The following AMZ1 variants were observed in gnomAD, a reference collection of about 807,000 sequenced individuals.
AMZ1 encodes archaemetzincin-1.
A neutral mutation model predicts 29.9 loss-of-function variants in AMZ1; 39 were observed. The observed-to-expected ratio is 1.30, with a 90% CI of 1.01 to 1.70. The LOEUF (loss-of-function observed/expected upper bound fraction) is 1.70. Ranked by LOEUF, AMZ1 falls within the 40% of genes most tolerant of loss-of-function variation. The pLI, the probability that AMZ1 is intolerant of heterozygous loss-of-function variation, is 0.00. For missense variants in AMZ1, 1,041 were observed against 680.6 expected, an observed-to-expected ratio of 1.53 and a Z score of -5.89; for synonymous variants, 458 against 304.0, an observed-to-expected ratio of 1.51 and a Z score of -5.27.
chr7:2,707,581 C>G (rs937114649), intron 3 of AMZ1, among the ~76,000 whole-genome samples: 1 of 152,102 alleles, frequency 6.6e-6, no homozygotes, highest in Non-Finnish European at 1.5e-5. Context: ...AGTTACACAA[C>G]TTGCTAGCTT....
At chr7:2,724,967 C>T (rs1030807582) in intron 4 of AMZ1, among the ~76,000 whole-genome samples, 1 of 145,714 alleles carries the variant, frequency 6.9e-6, no homozygotes, top group Non-Finnish European at 1.5e-5. Context: ...CTTTTCTGCG[C>T]AGAAGCACTG....
chr7:2,712,315 G>A lies in AMZ1; in HGVS notation c.949-15G>A, dbSNP rs141008034. ...CTGGCACGGAGCAAACTCAGCCTGT[G>A]TTTCTCCCTCTTAGAGACTCTACAC... On this transcript the variant is annotated splice_polypyrimidine_tract_variant and intron_variant, in intron 6 of 6. Coordinates refer to ENST00000683327, the MANE Select transcript of AMZ1 (RefSeq NM_001384743.1). 1,304 of 1,542,434 alleles carry A rather than the reference G, an allele frequency of 8.5e-4. 11 individuals carry two copies. In the African/African-American group the frequency reaches 0.016, roughly 19 times the overall value.
upstream of AMZ1, among the ~76,000 whole-genome samples, chr7:2,759,998 A>C: frequency 6.6e-6 from 1 of 152,264 alleles, no homozygotes; most frequent in African/African-American, 2.4e-5. Flanking sequence ...AAATGCATAA[A>C]AATGACAGGA....
chr7:2,712,556 A>G lies in AMZ1; in HGVS notation c.1175A>G (p.Glu392Gly). The change falls in exon 7 of 7, where the codon GAG becomes GGG. Residue 392 changes from glutamate to glycine, a missense_variant. Glu to Gly is a moderately conservative substitution (Grantham distance 98). Coordinates refer to ENST00000683327, the MANE Select transcript of AMZ1 (RefSeq NM_001384743.1). ...GGGCTGAGCTACCTGGCAGCCTCAG[A>G]GGCTCCGCTGCCACCTGGGGGCCCT... ...EEGLSYLAASEAPLPPGGPAE... is the reference protein window; with the variant it reads ...EEGLSYLAASGAPLPPGGPAE... 1 of 1,610,168 alleles carries G rather than the reference A, an allele frequency of 6.2e-7. No homozygotes were observed. Among genetic ancestry groups the G allele is most frequent in the Non-Finnish European group, 8.5e-7 (1 of 1,178,442 alleles).
rs1414656247 is a variant in AMZ1, at chr7:2,716,452, A to G, written c.*3574A>G. 6.6e-6 allele frequency: 1 copy of G among 152,174 alleles called. No individual in the cohort carries two copies. Among genetic ancestry groups the G allele is most frequent in the African/African-American group, 2.4e-5 (1 of 41,420 alleles). The allele number at this position is 152,174 out of a possible 1,614,324, so 9.4% of individuals were successfully genotyped here. ...CATGGGTGAGGAGGGAGGGATGCCG[A>G]CCTGTTAATATTTGCTTCAGACCTT... On this transcript the variant is annotated 3_prime_UTR_variant, in exon 7 of 7. Transcript: ENST00000683327.
intron 2 of AMZ1, 131 bp from the exon 3 acceptor site, chr7:2,702,591 C>T (rs1788113156): frequency 9.5e-7 from 1 of 1,048,156 alleles, no homozygotes; most frequent in South Asian, 1.7e-5. Flanking sequence ...GCCTGACGCT[C>T]TGCTTGCTGT....
intron 4 of AMZ1, among the ~76,000 whole-genome samples, chr7:2,727,080 C>T (rs1023230643): frequency 6.6e-6 from 1 of 152,130 alleles, no homozygotes; most frequent in African/African-American, 2.4e-5. Context: ...TGGAACACAA[C>T]TTTATTTATT....
chr7:2,697,616 G>A (rs554800440), intron 1 of AMZ1, among the ~76,000 whole-genome samples: 1 of 152,020 alleles, frequency 6.6e-6, no homozygotes, highest in Admixed American at 6.6e-5. Context: ...GTAGAGATGA[G>A]ATTTTGCCAT....
At chr7:2,746,138 A>G (rs1257414947) in intron 4 of AMZ1, among the ~76,000 whole-genome samples, 9 of 152,228 alleles carry the variant, frequency 5.9e-5, no homozygotes, top group Non-Finnish European at 1.0e-4. Flanking sequence ...AAGGATACCC[A>G]GGAATTGAAT....
chr7:2,716,826 G>A lies in AMZ1; in HGVS notation c.*3948G>A, dbSNP rs1310825923. Among the ~76,000 whole-genome samples the A allele has an allele frequency of 6.6e-6, 1 of 152,214 alleles. No individual in the cohort carries two copies. The highest frequency in any genetic ancestry group is 2.1e-4 in the South Asian group (1 of 4,834). ...TCATCATCGAGTCTCGAAATGACCT[G>A]TAAGGCAGATGGCTGCATCCCCACC... On this transcript the variant is annotated 3_prime_UTR_variant, in exon 7 of 7. Coordinates refer to ENST00000683327, the MANE Select transcript of AMZ1 (RefSeq NM_001384743.1).
At position 2,702,911 on chromosome 7, in the gene AMZ1, C is replaced by T. The variant is rs751806298; in HGVS notation, c.472+22C>T. On this transcript the variant is annotated intron_variant, in intron 3 of 6. Transcript: ENST00000683327. ...ACAGGTGAGTGAGGACGGCAGCCGC[C>T]GCTCAGGCCAAGGCAGGCCCCTTCT... 1.4e-4 allele frequency: 217 copies of T among 1,571,454 alleles called. 2 individuals are homozygous for T. Among genetic ancestry groups the T allele is most frequent in the Admixed American group, 1.4e-4 (8 of 56,452 alleles).
intron 1 of AMZ1, among the ~76,000 whole-genome samples, chr7:2,692,614 T>C (rs1787468228): frequency 6.6e-6 from 1 of 152,030 alleles, no homozygotes; most frequent in Admixed American, 6.6e-5. Flanking sequence ...CATTCCAGCT[T>C]CAGGGGTTTC....
intron 4 of AMZ1, chr7:2,730,016 A>G (rs1260166425): frequency 6.6e-6 from 1 of 152,328 alleles, no homozygotes; most frequent in Non-Finnish European, 1.5e-5. Context: ...CCTCGATGAG[A>G]ATCAGACTTA....
chr7:2,751,158 C>T (rs1490931998), intron 4 of AMZ1, among the ~76,000 whole-genome samples: 1 of 152,066 alleles, frequency 6.6e-6, no homozygotes, highest in Non-Finnish European at 1.5e-5. Flanking sequence ...GAGGCTGAGG[C>T]AGGTGGACTG....
In AMZ1 at chr7:2,718,122, A is replaced by G. The variant is rs897995747; in HGVS notation, c.*5244A>G. Among the ~76,000 whole-genome samples, 2 of 152,030 alleles carry G rather than the reference A, an allele frequency of 1.3e-5. No homozygotes were observed. The highest frequency in any genetic ancestry group is 2.1e-4 in the South Asian group (1 of 4,814). ...GAGACGACACCTACCAGATTCCACC[A>G]CTGAGGCCTCCCTCGATGCCTGCTC... On this transcript the variant is annotated 3_prime_UTR_variant, in exon 7 of 7. Coordinates refer to ENST00000683327, the MANE Select transcript of AMZ1 (RefSeq NM_001384743.1).
At chr7:2,698,207 T>C (rs558834331) in intron 1 of AMZ1, among the ~76,000 whole-genome samples, 11 of 151,912 alleles carry the variant, frequency 7.2e-5, no homozygotes, top group Non-Finnish European at 1.3e-4. Flanking sequence ...GGCACAGAGC[T>C]AGAACCATTC....
Position 2,712,313 on chromosome 7 carries a change from G to A in AMZ1, c.949-17G>A, listed in dbSNP as rs771555129. On this transcript the variant is annotated splice_polypyrimidine_tract_variant and intron_variant, in intron 6 of 6. Coordinates refer to ENST00000683327, the MANE Select transcript of AMZ1 (RefSeq NM_001384743.1). ...GGCTGGCACGGAGCAAACTCAGCCT[G>A]TGTTTCTCCCTCTTAGAGACTCTAC... 2.6e-6 allele frequency: 4 copies of A among 1,540,368 alleles called. No homozygotes were observed. The highest frequency in any genetic ancestry group is 1.3e-5 in the South Asian group (1 of 79,600).
downstream of AMZ1, among the ~76,000 whole-genome samples, chr7:2,720,824 ATC>A (rs1052644901): frequency 1.1e-4 from 16 of 152,016 alleles, no homozygotes; most frequent in Non-Finnish European, 1.6e-4. Flanking sequence ...ACAGGTGTGT[ATC>A]TCTACACTGA....
chr7:2,723,699 T>C (rs1004097797), downstream of AMZ1, among the ~76,000 whole-genome samples: 1 of 152,188 alleles, frequency 6.6e-6, no homozygotes, highest in African/African-American at 2.4e-5. Context: ...GAGGCTGAAG[T>C]TGCAGACAGC....
Sources: allele counts gnomAD v4.1 joint callset (sites outside exome capture counted in the v4.1 genomes callset), GRCh38; gene constraint gnomAD v4.1.1; transcripts MANE v1.5; gene names NCBI Gene and HGNC (gene_info 2026-07-23, HGNC 2026-07-21).